TMTC3: variants seen among roughly 807,000 people sequenced by gnomAD.
The protein encoded by TMTC3 is protein O-mannosyl-transferase TMTC3.
In TMTC3, 52 loss-of-function variants were observed where a neutral mutation model predicts 92.2. The observed-to-expected ratio is 0.56, with a 90% CI of 0.45 to 0.71. The LOEUF is 0.71. Ranked by LOEUF, TMTC3 falls within the 30% of genes least tolerant of loss-of-function variation. TMTC3 has a pLI of 0.00. For synonymous variants in TMTC3, 339 were observed against 363.3 expected (o/e 0.93, Z 0.76); for missense variants, 896 against 1,057.1 (o/e 0.85, Z 2.11).
chr12:88,176,325 CATT>C lies in TMTC3; in HGVS notation c.1432+11_1432+13del, dbSNP rs768452181. ...GGCTACCCATGTTCAGCCAGGTAAG[CATT>C]ATTAACTAATAAAATCATGAATTTT... On this transcript the variant is annotated splice_region_variant and intron_variant, in intron 10 of 13. Coordinates refer to ENST00000266712, the MANE Select transcript of TMTC3 (RefSeq NM_181783.4). The C allele has an allele frequency of 7.0e-6, 11 of 1,561,560 alleles. No homozygotes were observed. Among genetic ancestry groups the C allele is most frequent in the South Asian group, 1.2e-5 (1 of 86,088 alleles).
rs1033447913 is a variant in TMTC3, at chr12:88,195,275, G to C, written c.2371G>C (p.Glu791Gln). The C allele has an allele frequency of 8.7e-6, 14 of 1,613,824 alleles. No individual in the cohort carries two copies. Among genetic ancestry groups the C allele is most frequent in the Non-Finnish European group, 1.2e-5 (14 of 1,179,882 alleles). The change falls in exon 14 of 14, where the codon GAA becomes CAA. Residue 791 changes from glutamate to glutamine, a missense_variant. Physicochemically the swap from Glu to Gln is conservative, Grantham distance 29 (BLOSUM62 2). Coordinates refer to ENST00000266712, the MANE Select transcript of TMTC3 (RefSeq NM_181783.4). ...TGAAGAAAAAGACTTATTAAAAGCTGAAAGATGCCTTCTTGAAACACTGGC... is the reference window on the plus strand; with the variant it reads ...TGAAGAAAAAGACTTATTAAAAGCTCAAAGATGCCTTCTTGAAACACTGGC... ...YFEEKDLLKA[E>Q]RCLLETLALA...
At chr12:88,174,257 C>A (rs2041235038) in intron 8 of TMTC3, among the ~76,000 whole-genome samples, 1 of 151,998 alleles carries the variant, frequency 6.6e-6, no homozygotes, top group African/African-American at 2.4e-5. Context: ...CCTTTCTAAA[C>A]TCAATTAAGA....
chr12:88,183,392 A>G (rs1246922463), intron 10 of TMTC3, among the ~76,000 whole-genome samples: 1 of 152,192 alleles, frequency 6.6e-6, no homozygotes, highest in South Asian at 2.1e-4. Context: ...TTGATCTTGC[A>G]TTGCCAGGCA....
chr12:88,155,013 A>G (rs1400856480), intron 4 of TMTC3, among the ~76,000 whole-genome samples: 4 of 152,200 alleles, frequency 2.6e-5, no homozygotes, highest in Non-Finnish European at 5.9e-5. Context: ...GTTCCAAGGT[A>G]CTCATGACAA....
chr12:88,148,224 A>G (rs962457555), intron 1 of TMTC3, 64 bp from the exon 2 acceptor site: 1 of 1,007,892 alleles, frequency 9.9e-7, no homozygotes, highest in African/African-American at 1.6e-5. Flanking sequence ...TTACCCACCT[A>G]CTAAAATTGA....
intron 10 of TMTC3, among the ~76,000 whole-genome samples, chr12:88,184,253 G>A (rs1191117812): frequency 6.6e-6 from 1 of 152,132 alleles, no homozygotes; most frequent in Non-Finnish European, 1.5e-5. Context: ...AACACAATTT[G>A]TGGGTAATGA....
At chr12:88,148,602 C>T (rs2040904197) in intron 2 of TMTC3, 98 bp downstream of exon 2, 1 of 897,808 alleles carries the variant, frequency 1.1e-6, no homozygotes, top group African/African-American at 1.7e-5. Context: ...ATCATCACAA[C>T]AGTTACAGAT....
Position 88,167,148 on chromosome 12 carries a change from A to G in TMTC3, c.1050+566A>G, listed in dbSNP as rs192633724. Reference sequence around the variant, plus strand: ...GTTGGTTCTTGCCTGTAATCCCAGCACTTTGAGAGGCCAAGGCAGGTGGAT... The same window carrying G: ...GTTGGTTCTTGCCTGTAATCCCAGCGCTTTGAGAGGCCAAGGCAGGTGGAT... On this transcript the variant is annotated intron_variant, in intron 7 of 13. Transcript: ENST00000266712. Among the ~76,000 whole-genome samples the G allele has an allele frequency of 2.9e-3, 445 of 152,164 alleles. 3 individuals carry two copies. Among genetic ancestry groups the G allele is most frequent in the African/African-American group, 7.9e-3 (329 of 41,504 alleles).
Position 88,160,133 on chromosome 12 carries a change from G to A in TMTC3, c.528G>A (p.Leu176=). 1 of 1,582,838 alleles carries A rather than the reference G, an allele frequency of 6.3e-7. No homozygotes were observed. Residue 176 remains leucine (L), a synonymous_variant, in exon 5 of 14, where the codon TTG becomes TTA. Coordinates refer to ENST00000266712, the MANE Select transcript of TMTC3 (RefSeq NM_181783.4). ...TTGCAGTATGGACTCCAATTGCCTT[G>A]ACAGTGTTTTTAGTGGCTGTTGCAA... ...DNSIIWTPIA[L]TVFLVAVATL...
intron 4 of TMTC3, among the ~76,000 whole-genome samples, chr12:88,158,439 A>G (rs1036410900): frequency 2.0e-5 from 3 of 152,106 alleles, no homozygotes; most frequent in Non-Finnish European, 2.9e-5. Context: ...ATTGTAGTGT[A>G]ATATAATCTA....
intron 6 of TMTC3, among the ~76,000 whole-genome samples, chr12:88,162,034 T>C (rs937563222): frequency 1.3e-5 from 2 of 152,078 alleles, no homozygotes; most frequent in African/African-American, 4.8e-5. Context: ...CTGGTACTAT[T>C]TTTCCTTTTA....
At chr12:88,157,462 T>C (rs2041025222) in intron 4 of TMTC3, among the ~76,000 whole-genome samples, 3 of 152,038 alleles carry the variant, frequency 2.0e-5, no homozygotes, top group Admixed American at 2.0e-4. Context: ...TTTTTATTAC[T>C]TTGGGTTTCT....
At chr12:88,145,300 G>A (rs949310499) in intron 1 of TMTC3, among the ~76,000 whole-genome samples, 1 of 152,080 alleles carries the variant, frequency 6.6e-6, no homozygotes, top group African/African-American at 2.4e-5. Flanking sequence ...GATCTTTCCA[G>A]TTTCCTCATG....
chr12:88,167,403 C>CA (rs956661964), intron 7 of TMTC3, among the ~76,000 whole-genome samples: 5 of 151,482 alleles, frequency 3.3e-5, no homozygotes, highest in Admixed American at 3.3e-4. Context: ...TACTCTTTCT[C>CA]AAAAAAACAA....
chr12:88,163,671 A>C (rs960136543), intron 6 of TMTC3, among the ~76,000 whole-genome samples: 1 of 51,118 alleles, frequency 2.0e-5, no homozygotes, highest in Non-Finnish European at 1.2e-4. Flanking sequence ...CTTTGTCTTC[A>C]CATTGCCTTC....
intron 7 of TMTC3, among the ~76,000 whole-genome samples, chr12:88,169,577 A>G (rs2041181951): frequency 6.6e-6 from 1 of 152,180 alleles, no homozygotes; most frequent in Non-Finnish European, 1.5e-5. Flanking sequence ...CATGTTAAGC[A>G]CTTATTAGAT....
In TMTC3 at chr12:88,148,360, G is replaced by A. The variant is rs369377565; in HGVS notation, c.45G>A (p.Val15=). ...AAGAAATAACCTTAATAGTAGGTGTGGTTACTGCCTGCTATTGGAACAGCC... is the reference window on the plus strand; with the variant it reads ...AAGAAATAACCTTAATAGTAGGTGTAGTTACTGCCTGCTATTGGAACAGCC... The part of the protein sequence containing the change: ...NLKEITLIVG[V]VTACYWNSLF... Residue 15 remains valine, a synonymous_variant, in exon 2 of 14, where the codon GTG becomes GTA. Coordinates refer to ENST00000266712, the MANE Select transcript of TMTC3 (RefSeq NM_181783.4). The A allele has an allele frequency of 1.2e-6, 2 of 1,613,304 alleles. No homozygotes were observed. The highest frequency in any genetic ancestry group is 1.7e-6 in the Non-Finnish European group (2 of 1,179,654).
chr12:88,186,352 G>A (rs1390070978), intron 10 of TMTC3, among the ~76,000 whole-genome samples: 1 of 152,180 alleles, frequency 6.6e-6, no homozygotes, highest in African/African-American at 2.4e-5. Flanking sequence ...AGTGAGGTAA[G>A]TTCCCTTCTA....
chr12:88,163,538 C>T (rs1251416373), intron 6 of TMTC3, among the ~76,000 whole-genome samples: 2 of 152,142 alleles, frequency 1.3e-5, no homozygotes, highest in African/African-American at 4.8e-5. Context: ...ATCAGTATGT[C>T]AGCACAATTG....
Sources: allele counts gnomAD v4.1 joint callset (sites outside exome capture counted in the v4.1 genomes callset), GRCh38; gene constraint gnomAD v4.1.1; transcripts MANE v1.5; gene names NCBI Gene and HGNC (gene_info 2026-07-23, HGNC 2026-07-21).